TESK2: variants seen among roughly 807,000 people sequenced by gnomAD.
TESK2 encodes testis associated actin remodelling kinase 2.
In TESK2, 39 loss-of-function variants were observed where a neutral mutation model predicts 57.1. The ratio of observed to expected loss-of-function variants is 0.68; its 90% CI spans 0.53 to 0.89. The LOEUF is 0.89. Among genes scored for constraint, TESK2 ranks in the 40% least tolerant of loss-of-function variants. TESK2 has a pLI of 0.00. For missense variants in TESK2, 646 were observed against 732.1 expected (o/e 0.88, Z 1.36); for synonymous variants, 249 against 267.9 (o/e 0.93, Z 0.69).
At chr1:45,378,589 C>T (rs1415825092) in intron 4 of TESK2, among the ~76,000 whole-genome samples, 1 of 152,192 alleles carries the variant, frequency 6.6e-6, no homozygotes, top group African/African-American at 2.4e-5. Flanking sequence ...TTTGCCAGCT[C>T]AGTCACTCCA....
At chr1:45,481,398 T>C (rs1653219681) in intron 1 of TESK2, among the ~76,000 whole-genome samples, 1 of 151,338 alleles carries the variant, frequency 6.6e-6, no homozygotes, top group South Asian at 2.1e-4. Flanking sequence ...GGGTGGGAAG[T>C]GCAGAACAGT....
At chr1:45,426,279 A>G (rs1476032449) in intron 2 of TESK2, among the ~76,000 whole-genome samples, 11 of 152,210 alleles carry the variant, frequency 7.2e-5, no homozygotes. Context: ...AACAGAATAG[A>G]GAATCCAATA....
At chr1:45,477,621 CAAA>C (rs1455551318) in intron 1 of TESK2, among the ~76,000 whole-genome samples, 1 of 148,604 alleles carries the variant, frequency 6.7e-6, no homozygotes, top group Non-Finnish European at 1.5e-5. Flanking sequence ...GACTCCATCT[CAAA>C]AACAAAAAAA....
At chr1:45,396,752 G>T (rs1284195460) in intron 3 of TESK2, among the ~76,000 whole-genome samples, 1 of 150,064 alleles carries the variant, frequency 6.7e-6, no homozygotes, top group African/African-American at 2.5e-5. Flanking sequence ...GCCTCCCAAA[G>T]TGCTGGGATT....
intron 5 of TESK2, among the ~76,000 whole-genome samples, chr1:45,350,091 A>G (rs1423834029): frequency 6.6e-6 from 1 of 152,194 alleles, no homozygotes; most frequent in Non-Finnish European, 1.5e-5. Context: ...GCAGTGAGCC[A>G]AGATCACACC....
chr1:45,389,019 C>T (rs1015531132), intron 3 of TESK2, among the ~76,000 whole-genome samples: 4 of 152,070 alleles, frequency 2.6e-5, no homozygotes, highest in Non-Finnish European at 4.4e-5. Flanking sequence ...CGCGCCCGGC[C>T]GAGAGGTATG....
chr1:45,363,996 A>C, intron 4 of TESK2, among the ~76,000 whole-genome samples: 1 of 152,218 alleles, frequency 6.6e-6, no homozygotes, highest in East Asian at 1.9e-4. Context: ...AAAGTGCTCA[A>C]TATGTCAGTT....
chr1:45,488,897 C>A (rs527262661), intron 1 of TESK2, among the ~76,000 whole-genome samples: 2 of 152,242 alleles, frequency 1.3e-5, no homozygotes, highest in East Asian at 3.9e-4. Context: ...CATGATGGCT[C>A]ACCCCTGTAA....
At chr1:45,424,276 TCAAA>T (rs1217936984) in intron 2 of TESK2, among the ~76,000 whole-genome samples, 2 of 152,132 alleles carry the variant, frequency 1.3e-5, no homozygotes, top group African/African-American at 4.8e-5. Context: ...ATCTTAGAAT[TCAAA>T]CAGTGTTTCA....
intron 3 of TESK2, among the ~76,000 whole-genome samples, chr1:45,406,762 C>T (rs894212635): frequency 6.6e-6 from 1 of 152,166 alleles, no homozygotes; most frequent in Admixed American, 6.5e-5. Flanking sequence ...TTGCAATAGC[C>T]TCCTTAAGTA....
chr1:45,471,131 T>G (rs1403359655), intron 1 of TESK2, among the ~76,000 whole-genome samples: 2 of 152,044 alleles, frequency 1.3e-5, no homozygotes, highest in African/African-American at 4.8e-5. Flanking sequence ...CTCAGGAGGC[T>G]GAGGCAGAAG....
intron 4 of TESK2, among the ~76,000 whole-genome samples, chr1:45,364,689 G>C (rs1241660194): frequency 6.6e-6 from 1 of 152,132 alleles, no homozygotes; most frequent in African/African-American, 2.4e-5. Context: ...GATGAGAGGT[G>C]ACCAAACATC....
chr1:45,475,543 G>A (rs1652954542), intron 1 of TESK2, among the ~76,000 whole-genome samples: 2 of 152,162 alleles, frequency 1.3e-5, no homozygotes, highest in African/African-American at 4.8e-5. Flanking sequence ...AAAAATGACA[G>A]TTGCTATCAG....
At chr1:45,432,562 G>A (rs1651016476) in intron 2 of TESK2, among the ~76,000 whole-genome samples, 1 of 150,130 alleles carries the variant, frequency 6.7e-6, no homozygotes, top group South Asian at 2.1e-4. Context: ...ATGGTGGCAG[G>A]CGCCTGTAGT....
At chr1:45,473,833 G>A (rs371500047) in intron 1 of TESK2, among the ~76,000 whole-genome samples, 4 of 144,384 alleles carry the variant, frequency 2.8e-5, no homozygotes, top group African/African-American at 7.7e-5. Flanking sequence ...GTCTTGCTCT[G>A]TCACCCAGGG....
chr1:45,443,848 G>A (rs960608017), intron 2 of TESK2, among the ~76,000 whole-genome samples: 3 of 151,988 alleles, frequency 2.0e-5, no homozygotes, highest in African/African-American at 4.8e-5. Flanking sequence ...ATCAGGAGTC[G>A]GCAATTTTTT....
At chr1:45,471,014 C>T (rs374264024) in intron 1 of TESK2, among the ~76,000 whole-genome samples, 81 of 152,206 alleles carry the variant, frequency 5.3e-4, no homozygotes, top group African/African-American at 1.8e-3. Flanking sequence ...AGGTGGATCA[C>T]GAGGTCAGGA....
intron 4 of TESK2, among the ~76,000 whole-genome samples, chr1:45,360,198 T>C (rs1414082606): frequency 6.6e-6 from 1 of 152,142 alleles, no homozygotes; most frequent in Non-Finnish European, 1.5e-5. Context: ...AAGATTCACA[T>C]TTGAGGTGCC....
At chr1:45,472,875 C>T (rs902058984) in intron 1 of TESK2, among the ~76,000 whole-genome samples, 1 of 151,106 alleles carries the variant, frequency 6.6e-6, no homozygotes, top group Non-Finnish European at 1.5e-5. Flanking sequence ...CGGTGGCTTA[C>T]GCCTGTAATC....
Sources: gnomAD v4.1 joint callset for allele counts (sites outside exome capture counted in the v4.1 genomes callset) on GRCh38, gnomAD v4.1.1 for gene constraint, MANE v1.5 for transcripts, NCBI Gene and HGNC (gene_info 2026-07-23, HGNC 2026-07-21) for gene names.